Variants in DEAF1 observed in about 807,000 individuals in gnomAD.
DEAF1 encodes deformed epidermal autoregulatory factor 1 homolog.
In DEAF1, 53 loss-of-function variants were observed where a neutral mutation model predicts 58.9. The observed-to-expected ratio is 0.90, with a 90% CI of 0.72 to 1.13. The LOEUF is 1.13. DEAF1 is among the 50% of genes most tolerant of loss of function. The pLI is 0.00. For synonymous variants in DEAF1, 385 were observed against 340.4 expected (o/e 1.13, Z -1.44); for missense variants, 685 against 791.4 (o/e 0.87, Z 1.61).
chr11:694,806 T>C lies in DEAF1; in HGVS notation c.242A>G (p.Glu81Gly). The change falls in exon 1 of 12, where the codon GAG becomes GGG. Residue 81 changes from glutamate to glycine, a missense_variant. Coordinates refer to ENST00000382409, the MANE Select transcript of DEAF1 (RefSeq NM_021008.4). ...GGCCTCGTCGGGGCCGGGCAGGGCC[T>C]CGGCGCCCATGTCCATGTGCCCGGG... ...AEPGHMDMGA[E>G]ALPGPDEAAA... is the part of the protein sequence containing the mutation. The C allele has an allele frequency of 7.1e-7, 1 of 1,412,388 alleles. No homozygotes were observed. The highest frequency in any genetic ancestry group is 3.1e-5 in the East Asian group (1 of 32,374). 87.5% of individuals were successfully genotyped at this position (1,412,388 alleles called of 1,614,324 possible).
At chr11:658,383 C>T (rs532320642) in intron 10 of DEAF1, among the ~76,000 whole-genome samples, 2 of 152,300 alleles carry the variant, frequency 1.3e-5, no homozygotes, top group African/African-American at 2.4e-5. Context: ...GAGCCGAGAA[C>T]GCGCCACTGC....
intron 11 of DEAF1, among the ~76,000 whole-genome samples, chr11:649,828 C>T (rs1292189823): frequency 1.3e-5 from 2 of 152,018 alleles, no homozygotes; most frequent in Non-Finnish European, 2.9e-5. Context: ...GAGTTCGAGA[C>T]CAGCCTTGCC....
upstream of DEAF1, chr11:699,113 C>T (rs1590034958): frequency 1.3e-5 from 7 of 532,364 alleles, no homozygotes; most frequent in Non-Finnish European, 1.7e-5. Flanking sequence ...TGGCTAAGCA[C>T]GCCACACTGC....
At position 676,781 on chromosome 11, in the gene DEAF1, G is replaced by A. The variant is rs879803634; in HGVS notation, c.1255+1913C>T. On this transcript the variant is annotated intron_variant, in intron 9 of 11. Coordinates refer to ENST00000382409, the MANE Select transcript of DEAF1 (RefSeq NM_021008.4). ...GGCCTCCCAAAGCGCTGGGATTACCGGCGTGAGCCACCACGCCCAGCGGGG... is the reference window on the plus strand; with the variant it reads ...GGCCTCCCAAAGCGCTGGGATTACCAGCGTGAGCCACCACGCCCAGCGGGG... 5.5e-4 allele frequency among the ~76,000 whole-genome samples: 83 copies of A among 152,154 alleles called. 1 individual carries two copies. The highest frequency in any genetic ancestry group is 4.6e-4 in the Non-Finnish European group (31 of 67,994).
At chr11:695,466 C>T, upstream of DEAF1, 1 of 602,642 alleles carries the variant, frequency 1.7e-6, no homozygotes, top group Non-Finnish European at 2.4e-6. Flanking sequence ...CTGGACGGCT[C>T]TAGGCAGATT....
intron 1 of DEAF1, chr11:704,261 G>T: frequency 1.4e-6 from 1 of 738,396 alleles, no homozygotes; most frequent in South Asian, 1.8e-5. Context: ...GGCGCCTTCC[G>T]CTCGGTGGAC....
chr11:694,535 G>A (rs1326432787), intron 1 of DEAF1: 4 of 370,738 alleles, frequency 1.1e-5, no homozygotes, highest in African/African-American at 6.7e-5. Context: ...TGTGAGGGGT[G>A]AGCTAGTCAC....
chr11:678,398 G>A (rs921129335), intron 9 of DEAF1: 5 of 389,508 alleles, frequency 1.3e-5, no homozygotes, highest in Admixed American at 1.1e-4. Context: ...GAGGACAACA[G>A]CAAACTCACC....
At chr11:687,446 A>C (rs1195388510) in intron 4 of DEAF1, among the ~76,000 whole-genome samples, 1 of 152,242 alleles carries the variant, frequency 6.6e-6, no homozygotes, top group East Asian at 1.9e-4. Context: ...GCCTCAGCTC[A>C]GTTCACAGGA....
Position 674,404 on chromosome 11 carries a change from A to G in DEAF1, c.1503+132T>C. 2.4e-6 allele frequency: 3 copies of G among 1,245,570 alleles called. No individual in the cohort carries two copies. The East Asian group carries it at 7.0e-5, about 29-fold the overall frequency. 77.2% of individuals were successfully genotyped at this position (1,245,570 alleles called of 1,614,324 possible). Reference sequence around the variant, plus strand: ...GCTTCATTTGTAAATGACTCTCCACAGCTCCCTTTTCCAGAAAGGTGGGGC... The same window carrying G: ...GCTTCATTTGTAAATGACTCTCCACGGCTCCCTTTTCCAGAAAGGTGGGGC... On this transcript the variant is annotated intron_variant, in intron 10 of 11. Coordinates refer to ENST00000382409, the MANE Select transcript of DEAF1 (RefSeq NM_021008.4).
intron 10 of DEAF1, among the ~76,000 whole-genome samples, chr11:661,828 G>A (rs973584820): frequency 4.6e-5 from 7 of 152,204 alleles, no homozygotes; most frequent in African/African-American, 9.7e-5. Flanking sequence ...ATTCCCACAC[G>A]TGGACCTTTC....
At chr11:700,382 C>T (rs1861392727) in intron 1 of DEAF1, 3 of 805,890 alleles carry the variant, frequency 3.7e-6, no homozygotes, top group Non-Finnish European at 6.0e-6. Context: ...CAAAAAGTAG[C>T]CGGGCGTGGT....
intron 6 of DEAF1, among the ~76,000 whole-genome samples, chr11:684,202 G>A (rs1860488960): frequency 6.7e-6 from 1 of 149,704 alleles, no homozygotes; most frequent in South Asian, 2.1e-4. Flanking sequence ...CGGATCACAT[G>A]TGGTCAGGAG....
chr11:700,808 C>T, intron 1 of DEAF1: 1 of 1,115,590 alleles, frequency 9.0e-7, no homozygotes, highest in Non-Finnish European at 1.4e-6. Context: ...TTCTCAGAGA[C>T]ATTTTTTATC....
chr11:693,815 C>A (rs1412325949), intron 1 of DEAF1, among the ~76,000 whole-genome samples: 1 of 152,220 alleles, frequency 6.6e-6, no homozygotes, highest in African/African-American at 2.4e-5. Flanking sequence ...AAACTATAAG[C>A]AGCTTATATA....
intron 1 of DEAF1, chr11:700,876 C>G: frequency 1.5e-6 from 1 of 673,030 alleles, no homozygotes; most frequent in South Asian, 1.7e-5. Flanking sequence ...AAGTATTAAT[C>G]AAGAAGTTTT....
intron 10 of DEAF1, among the ~76,000 whole-genome samples, chr11:671,876 T>C (rs1182672263): frequency 6.7e-6 from 1 of 149,194 alleles, no homozygotes; most frequent in Non-Finnish European, 1.5e-5. Context: ...TAATCACATA[T>C]TGATCAGTCA....
At chr11:702,994 G>C in intron 1 of DEAF1, 1 of 1,611,858 alleles carries the variant, frequency 6.2e-7, no homozygotes, top group Non-Finnish European at 8.5e-7. Context: ...CCGCCAGCCT[G>C]GCCCTCACGG....
At position 644,684 on chromosome 11, in the gene DEAF1, G is replaced by A; in HGVS notation, c.1594-30C>T. 1 of 1,556,250 alleles carries A rather than the reference G, an allele frequency of 6.4e-7. No individual in the cohort carries two copies. The highest frequency in any genetic ancestry group is 8.7e-7 in the Non-Finnish European group (1 of 1,144,200). The stretch of plus-strand genomic sequence containing the variant: ...AAGGGAGGACACACCCATGTCAGCA[G>A]GGTCAGTGGGTGGAGCAGGGTCTGG... On this transcript the variant is annotated intron_variant, in intron 11 of 11. Transcript: ENST00000382409. The surrounding 1 kb of genome is among the most constrained non-coding windows in gnomAD (Gnocchi z 4.3).
Sources: gnomAD v4.1 joint callset for allele counts (sites outside exome capture counted in the v4.1 genomes callset) on GRCh38, gnomAD v4.1.1 for gene constraint, Gnocchi (gnomAD v3.1) non-coding constraint, MANE v1.5 for transcripts, NCBI Gene and HGNC (gene_info 2026-07-23, HGNC 2026-07-21) for gene names.